CD80: variants seen among roughly 807,000 people sequenced by gnomAD.
The protein encoded by CD80 is T-lymphocyte activation antigen CD80.
In CD80, 13 loss-of-function variants were observed where a neutral mutation model predicts 27.1. That is an observed-to-expected ratio of 0.48 (90% CI 0.31 to 0.76). The LOEUF is 0.76. Among genes scored for constraint, CD80 ranks in the 30% least tolerant of loss-of-function variants. The pLI is 0.04. For synonymous variants in CD80, 125 were observed against 125.5 expected (o/e 1.00, Z 0.03); for missense variants, 277 against 347.9 (o/e 0.80, Z 1.62).
At chr3:119,553,903 C>T (rs1428707583) in intron 2 of CD80, among the ~76,000 whole-genome samples, 1 of 152,130 alleles carries the variant, frequency 6.6e-6, no homozygotes, top group Non-Finnish European at 1.5e-5. Flanking sequence ...CAGGAGTGAC[C>T]CCCCTCTAAA....
chr3:119,528,946 T>G, intron 5 of CD80, among the ~76,000 whole-genome samples: 1 of 146,792 alleles, frequency 6.8e-6, no homozygotes, highest in African/African-American at 2.5e-5. Flanking sequence ...GAACTAAGAA[T>G]TGGTTTGTGT....
chr3:119,546,716 A>T (rs577568178), intron 2 of CD80, among the ~76,000 whole-genome samples: 1 of 152,198 alleles, frequency 6.6e-6, no homozygotes, highest in East Asian at 1.9e-4. Context: ...CTTGAGAAAT[A>T]AGGAAGAATT....
At chr3:119,554,903 T>G (rs2082254276) in intron 2 of CD80, among the ~76,000 whole-genome samples, 1 of 152,210 alleles carries the variant, frequency 6.6e-6, no homozygotes, top group Non-Finnish European at 1.5e-5. Flanking sequence ...CCTAATAGGT[T>G]TTGCACAGTC....
chr3:119,536,004 C>T (rs1225898273), intron 4 of CD80, among the ~76,000 whole-genome samples: 1 of 152,152 alleles, frequency 6.6e-6, no homozygotes. Flanking sequence ...GTAATCCCAG[C>T]ACTTTGGGAG....
At chr3:119,528,731 G>A (rs916475680) in intron 5 of CD80, among the ~76,000 whole-genome samples, 2 of 151,844 alleles carry the variant, frequency 1.3e-5, no homozygotes, top group African/African-American at 4.8e-5. Context: ...AGACCATCCT[G>A]GCCAACATGG....
intron 2 of CD80, 65 bp downstream of exon 2, chr3:119,557,564 A>G: frequency 1.8e-6 from 2 of 1,105,016 alleles, no homozygotes; most frequent in South Asian, 1.4e-5. Context: ...CAGCTCAGAG[A>G]ACCCCATGTC....
At position 119,544,870 on chromosome 3, in the gene CD80, A is replaced by G. The variant is rs1363785655; in HGVS notation, c.101-3T>C. 6.2e-7 allele frequency: 1 copy of G among 1,611,460 alleles called. No individual in the cohort carries two copies. Among genetic ancestry groups the G allele is most frequent in the Non-Finnish European group, 8.5e-7 (1 of 1,177,970 alleles). On this transcript the variant is annotated splice_polypyrimidine_tract_variant and splice_region_variant and intron_variant, in intron 2 of 6. Transcript: ENST00000264246. ...TTCCTTGGTCACGTGGATAACACCT[A>G]TGGAGAGGCAAACAGAACAAGATTG... is the stretch of plus-strand genomic sequence containing the variant.
At position 119,537,323 on chromosome 3, in the gene CD80, G is replaced by C; in HGVS notation, c.514C>G (p.His172Asp). Residue 172 changes from histidine to aspartate, a missense_variant, in exon 4 of 7, where the codon CAC becomes GAC. His to Asp is a moderately conservative substitution (Grantham distance 81). Transcript: ENST00000264246. ...CSTSGGFPEP[H>D]LSWLENGEEL... is the part of the protein sequence containing the mutation. ...TCTCCATTTTCCAACCAGGAGAGGTGAGGCTCTGGAAAACCTCCAGAGGTT... is the reference window on the plus strand; with the variant it reads ...TCTCCATTTTCCAACCAGGAGAGGTCAGGCTCTGGAAAACCTCCAGAGGTT... The C allele has an allele frequency of 1.9e-6, 3 of 1,614,024 alleles. No homozygotes were observed. The highest frequency in any genetic ancestry group is 2.5e-6 in the Non-Finnish European group (3 of 1,179,900).
chr3:119,550,086 G>T (rs2082223284), intron 2 of CD80, among the ~76,000 whole-genome samples: 1 of 152,162 alleles, frequency 6.6e-6, no homozygotes, highest in African/African-American at 2.4e-5. Flanking sequence ...GGACATAGCA[G>T]GTCTTCTGTA....
At chr3:119,553,901 A>AC (rs1172146209) in intron 2 of CD80, among the ~76,000 whole-genome samples, 2 of 152,202 alleles carry the variant, frequency 1.3e-5, no homozygotes, top group East Asian at 3.9e-4. Context: ...AACAGGAGTG[A>AC]CCCCCCTCTA....
intron 2 of CD80, among the ~76,000 whole-genome samples, chr3:119,551,432 T>G (rs916880657): frequency 5.9e-5 from 9 of 152,110 alleles, no homozygotes; most frequent in East Asian, 1.9e-4. Context: ...GCCATTTTTT[T>G]GGGAGTGGGT....
At chr3:119,532,566 C>T (rs2082116444) in intron 4 of CD80, among the ~76,000 whole-genome samples, 1 of 152,056 alleles carries the variant, frequency 6.6e-6, no homozygotes, top group African/African-American at 2.4e-5. Flanking sequence ...AGCATCTCCA[C>T]CTGATTAAAA....
intron 2 of CD80, among the ~76,000 whole-genome samples, chr3:119,549,628 AG>A (rs537452273): frequency 8.7e-4 from 133 of 152,296 alleles, no homozygotes; most frequent in Non-Finnish European, 1.5e-3. Context: ...AGCCATTCTC[AG>A]GCCTCTGTCA....
intron 6 of CD80, among the ~76,000 whole-genome samples, chr3:119,527,130 C>G (rs1219978835): frequency 6.6e-6 from 1 of 152,136 alleles, no homozygotes; most frequent in South Asian, 2.1e-4. Context: ...GGAAACCATG[C>G]CATGTGAGGA....
intron 2 of CD80, 26 bp from the exon 3 acceptor site, chr3:119,544,893 T>C (rs2082191637): frequency 6.3e-7 from 1 of 1,584,150 alleles, no homozygotes; most frequent in East Asian, 2.2e-5. Context: ...CAGAACAAGA[T>C]TGTATATTTA....
rs2082076523 is a variant in CD80 at position 119,527,798 on chromosome 3, C to T, written c.840G>A (p.Leu280=). Residue 280 remains leucine, a synonymous_variant, in exon 6 of 7, where the codon TTG becomes TTA. Transcript: ENST00000264246. ...RCRERRRNER[L]RRESVRPV ...ATACAGGGCGTACACTTTCCCTTCT[C>T]AATCTCTCATTCCTCCTTCTCTCTC... 2 of 1,614,034 alleles carry T rather than the reference C, an allele frequency of 1.2e-6. No individual in the cohort carries two copies. The highest frequency in any genetic ancestry group is 1.1e-5 in the South Asian group (1 of 91,078).
intron 4 of CD80, among the ~76,000 whole-genome samples, chr3:119,536,442 G>A (rs756614158): frequency 6.6e-6 from 1 of 152,056 alleles, no homozygotes; most frequent in Non-Finnish European, 1.5e-5. Flanking sequence ...CTGGGCTCAA[G>A]TAAGCCACCC....
rs10661634 is a variant in CD80, at chr3:119,546,815, A to AACACACACAC, written c.101-1958_101-1949dup. Among the ~76,000 whole-genome samples the AACACACACAC allele has an allele frequency of 3.9e-3, 581 of 149,334 alleles. 1 individual carries two copies. The highest frequency in any genetic ancestry group is 4.5e-3 in the Non-Finnish European group (303 of 67,256). ...TCTCCCCACAATCACGTGATGCAAC[A>AACACACACAC]ACACACACACACACACACACACACA... On this transcript the variant is annotated intron_variant, in intron 2 of 6. Transcript: ENST00000264246.
chr3:119,544,586 G>C lies in CD80; in HGVS notation c.382C>G (p.Arg128Gly). The C allele has an allele frequency of 6.2e-7, 1 of 1,614,106 alleles. No individual in the cohort carries two copies. The highest frequency in any genetic ancestry group is 8.5e-7 in the Non-Finnish European group (1 of 1,179,976). Residue 128 changes from arginine (R) to glycine (G), a missense_variant, in exon 3 of 7, where the codon CGG becomes GGG. Transcript: ENST00000264246. ...AACGTCACTTCAGCCAGGTGTTCCCGCTTGAAAGCGTCTTTTTCATACTTC... is the reference window on the plus strand; with the variant it reads ...AACGTCACTTCAGCCAGGTGTTCCCCCTTGAAAGCGTCTTTTTCATACTTC... ...VLKYEKDAFK[R>G]EHLAEVTLSV...
Sources: allele counts gnomAD v4.1 joint callset (sites outside exome capture counted in the v4.1 genomes callset), GRCh38; gene constraint gnomAD v4.1.1; transcripts MANE v1.5; gene names NCBI Gene and HGNC (gene_info 2026-07-23, HGNC 2026-07-21).